The following MAD1L1 variants were observed in gnomAD, a reference collection of about 807,000 sequenced individuals.
The protein encoded by MAD1L1 is mitotic spindle assembly checkpoint protein MAD1.
In MAD1L1, 95 loss-of-function variants were observed where a neutral mutation model predicts 96.9. That is an observed-to-expected ratio of 0.98 (90% confidence interval 0.83 to 1.16). The LOEUF (loss-of-function observed/expected upper bound fraction) is 1.16. Ranked by LOEUF, MAD1L1 falls within the 50% of genes most tolerant of loss-of-function variation. The probability of loss-of-function intolerance (pLI) is 0.00; values close to 1 mark genes in which losing one functional copy is unlikely to be tolerated. For missense variants in MAD1L1, 1,007 were observed against 954.4 expected (o/e 1.06, Z -0.73); for synonymous variants, 473 against 396.6 (o/e 1.19, Z -2.29).
intron 12 of MAD1L1, among the ~76,000 whole-genome samples, chr7:2,044,740 G>A (rs2128513305): frequency 6.6e-6 from 1 of 152,306 alleles, no homozygotes; most frequent in African/African-American, 2.4e-5. Context: ...GAGATTCAGT[G>A]AGGATGACAA....
chr7:2,194,569 G>A (rs1791890312), intron 10 of MAD1L1, among the ~76,000 whole-genome samples: 1 of 152,134 alleles, frequency 6.6e-6, no homozygotes, highest in Admixed American at 6.5e-5. Context: ...TAGAAAGGCA[G>A]AGCCAACTAA....
At chr7:1,851,595 C>T (rs529682060) in intron 18 of MAD1L1, among the ~76,000 whole-genome samples, 1 of 152,256 alleles carries the variant, frequency 6.6e-6, no homozygotes, top group East Asian at 1.9e-4. Context: ...TCACCAATCA[C>T]CAACCAAAAC....
At chr7:2,175,444 A>T (rs1336507001) in intron 10 of MAD1L1, 1 of 150,000 alleles carries the variant, frequency 6.7e-6, no homozygotes, top group South Asian at 2.1e-4. Context: ...CAGCTTCTGA[A>T]ATAGGAATGC....
chr7:1,945,233 G>A (rs57520151), intron 16 of MAD1L1, among the ~76,000 whole-genome samples: 172 of 152,356 alleles, frequency 1.1e-3, no homozygotes, highest in African/African-American at 3.9e-3. Context: ...CATCTCAGTA[G>A]GCGTCCTCCA....
intron 11 of MAD1L1, among the ~76,000 whole-genome samples, chr7:2,108,268 C>T (rs1428749560): frequency 6.6e-6 from 1 of 152,174 alleles, no homozygotes; most frequent in Non-Finnish European, 1.5e-5. Context: ...CATTGTGTCT[C>T]ACAAACGAAC....
At chr7:2,122,702 C>T (rs1383690067) in intron 11 of MAD1L1, among the ~76,000 whole-genome samples, 1 of 152,220 alleles carries the variant, frequency 6.6e-6, no homozygotes, top group Admixed American at 6.5e-5. Context: ...AGGATGCAGC[C>T]TTGGTCCAAG....
At chr7:1,964,078 T>C (rs996986654) in intron 15 of MAD1L1, among the ~76,000 whole-genome samples, 1 of 152,124 alleles carries the variant, frequency 6.6e-6, no homozygotes, top group East Asian at 1.9e-4. Flanking sequence ...GAGAGGCCCC[T>C]GATCACAGAG....
intron 17 of MAD1L1, among the ~76,000 whole-genome samples, chr7:1,917,207 A>G: frequency 6.6e-6 from 1 of 152,196 alleles, no homozygotes; most frequent in East Asian, 1.9e-4. Flanking sequence ...GCTGGGGTCC[A>G]GCGAGGGAGC....
At chr7:1,820,590 G>C (rs1414924227) in intron 18 of MAD1L1, among the ~76,000 whole-genome samples, 1 of 151,978 alleles carries the variant, frequency 6.6e-6, no homozygotes, top group Non-Finnish European at 1.5e-5. Context: ...AACACAGTGA[G>C]ACCCCATCCC....
chr7:2,014,053 G>C (rs1428381413), intron 13 of MAD1L1, among the ~76,000 whole-genome samples: 1 of 152,124 alleles, frequency 6.6e-6, no homozygotes, highest in Non-Finnish European at 1.5e-5. Context: ...GGAGCTGGGC[G>C]CCCTGGGCCT....
intron 10 of MAD1L1, among the ~76,000 whole-genome samples, chr7:2,177,186 C>T (rs1424334207): frequency 6.6e-6 from 1 of 152,216 alleles, no homozygotes; most frequent in Non-Finnish European, 1.5e-5. Flanking sequence ...TCCCTGATAT[C>T]AGGCAGTAAC....
rs138660384 is a variant in MAD1L1, at chr7:1,876,160, C to T, written c.1998+22040G>A. ...TTATTTTGGTGAACTAGCCCCTTGG[C>T]TCCATAGATCTCTGTAACGTACTTA... On this transcript the variant is annotated intron_variant, in intron 18 of 18. Transcript: ENST00000265854. Among the ~76,000 whole-genome samples, 882 of 152,322 alleles carry T rather than the reference C, an allele frequency of 5.8e-3. 7 individuals carry two copies. The highest frequency in any genetic ancestry group is 9.1e-3 in the Non-Finnish European group (620 of 68,026).
intron 11 of MAD1L1, among the ~76,000 whole-genome samples, chr7:2,092,416 G>A (rs59132747): frequency 2.8e-4 from 43 of 152,136 alleles, no homozygotes; most frequent in African/African-American, 1.0e-3. Context: ...GCATGACCAC[G>A]CCCCACCCAA....
rs1018361654 is a variant in MAD1L1 at position 2,167,587 on chromosome 7, C to T, written c.987-18349G>A. Among the ~76,000 whole-genome samples, 3 of 151,576 alleles carry T rather than the reference C, an allele frequency of 2.0e-5. No homozygotes were observed. The South Asian group carries it at 6.2e-4, about 32-fold the overall frequency. On this transcript the variant is annotated intron_variant, in intron 10 of 18. Coordinates refer to ENST00000265854, the MANE Select transcript of MAD1L1 (RefSeq NM_001013836.2). ...AATAATAATAATAATTAAAATTAGCCGTGCATGGTGGTGGGCACCTGTAAT... is the reference window on the plus strand; with the variant it reads ...AATAATAATAATAATTAAAATTAGCTGTGCATGGTGGTGGGCACCTGTAAT...
chr7:1,982,948 GGT>G (rs1489046119), intron 14 of MAD1L1, among the ~76,000 whole-genome samples: 5 of 152,050 alleles, frequency 3.3e-5, no homozygotes, highest in African/African-American at 1.2e-4. Flanking sequence ...CCATGAAGAG[GGT>G]ATTCTATAAA....
intron 11 of MAD1L1, among the ~76,000 whole-genome samples, chr7:2,139,574 G>T (rs1294854836): frequency 6.6e-6 from 1 of 152,182 alleles, no homozygotes; most frequent in Non-Finnish European, 1.5e-5. Context: ...CAGGGGCTGG[G>T]GCCAAAGGCA....
chr7:2,042,302 C>G (rs1448328848), intron 12 of MAD1L1, among the ~76,000 whole-genome samples: 1 of 151,834 alleles, frequency 6.6e-6, no homozygotes, highest in East Asian at 1.9e-4. Context: ...CAGACACACG[C>G]AGATGTGCAC....
At chr7:1,835,574 T>C (rs980076340) in intron 18 of MAD1L1, among the ~76,000 whole-genome samples, 7 of 152,162 alleles carry the variant, frequency 4.6e-5, no homozygotes, top group Non-Finnish European at 8.8e-5. Flanking sequence ...TCTAAAATAC[T>C]TGGGATAAAT....
rs566644177 is a variant in MAD1L1, at chr7:2,196,550, C to T, written c.986+16662G>A. Among the ~76,000 whole-genome samples, 6 of 152,362 alleles carry T rather than the reference C, an allele frequency of 3.9e-5. No homozygotes were observed. In the South Asian group the frequency reaches 1.2e-3, roughly 32 times the overall value. On this transcript the variant is annotated intron_variant, in intron 10 of 18. Transcript: ENST00000265854. ...GTGTGCACTACGTGGGCAGACTGTGCTGTGCTCGTCACAGCGTCGCCAGAG... is the reference window on the plus strand; with the variant it reads ...GTGTGCACTACGTGGGCAGACTGTGTTGTGCTCGTCACAGCGTCGCCAGAG...
Sources: gnomAD v4.1 joint callset for allele counts (sites outside exome capture counted in the v4.1 genomes callset) on GRCh38, gnomAD v4.1.1 for gene constraint, MANE v1.5 for transcripts, NCBI Gene and HGNC (gene_info 2026-07-23, HGNC 2026-07-21) for gene names.